Variants in HIC2 observed in about 807,000 individuals in gnomAD.
HIC2 encodes hypermethylated in cancer 2 protein.
Under a neutral mutation model 39.5 loss-of-function variants are expected in HIC2, and 2 were observed. The ratio of observed to expected loss-of-function variants is 0.05; its 90% CI spans 0.02 to 0.16. HIC2 has a LOEUF of 0.16. Ranked by LOEUF, HIC2 falls within the 10% of genes least tolerant of loss-of-function variation. HIC2 has a pLI of 1.00. For synonymous variants in HIC2, 399 were observed against 368.8 expected (o/e 1.08, Z -0.94); for missense variants, 713 against 863.5 (o/e 0.83, Z 2.18).
chr22:21,425,656 C>G (rs1009312982), intron 1 of HIC2, among the ~76,000 whole-genome samples: 2 of 136,356 alleles, frequency 1.5e-5, no homozygotes, highest in Non-Finnish European at 3.2e-5. Flanking sequence ...TTCTCCTACC[C>G]CAGCCTCCCG....
At chr22:21,432,440 G>A in intron 1 of HIC2, among the ~76,000 whole-genome samples, 1 of 90,758 alleles carries the variant, frequency 1.1e-5, no homozygotes, top group Non-Finnish European at 2.1e-5. Flanking sequence ...CTTTTGGGAG[G>A]CCGAGGCGGG....
rs906642699 is a variant in HIC2 at position 21,447,040 on chromosome 22, C to T, written c.*297C>T. The T allele has an allele frequency of 7.2e-6, 3 of 414,306 alleles. No homozygotes were observed. The highest frequency in any genetic ancestry group is 8.2e-5 in the East Asian group (2 of 24,450). The allele number at this position is 414,306 out of a possible 1,614,324, so 25.7% of individuals were successfully genotyped here. On this transcript the variant is annotated 3_prime_UTR_variant, in exon 3 of 3. Coordinates refer to ENST00000407464, the MANE Select transcript of HIC2 (RefSeq NM_015094.3). ...CTGGGTCACGTGGGTCTCGCTGGGA[C>T]CTGGTCCCTTTGTTGCAGGCGGCTT...
In HIC2 at chr22:21,450,004, C is replaced by T. The variant is rs541293056; in HGVS notation, c.*3261C>T. On this transcript the variant is annotated 3_prime_UTR_variant, in exon 3 of 3. Transcript: ENST00000407464. ...TCTGGTGGGTCCCCACTCCTGGGGC[C>T]CCCTAACCCCACCCCAGGCAGCGGA... 1.6e-3 allele frequency: 242 copies of T among 152,828 alleles called. 2 individuals are homozygous for T. The highest frequency in any genetic ancestry group is 0.014 in the Middle Eastern group (4 of 294). 9.5% of individuals were successfully genotyped at this position (152,828 alleles called of 1,614,324 possible). A position where few individuals can be genotyped will look rare whatever the true frequency, so the allele number is the denominator to read the frequency against.
intron 2 of HIC2, among the ~76,000 whole-genome samples, chr22:21,444,031 C>T (rs900429126): frequency 6.6e-5 from 10 of 152,060 alleles, no homozygotes; most frequent in Non-Finnish European, 1.2e-4. Context: ...GGAAGCGTGG[C>T]GAGGAGCACC....
chr22:21,445,603 G>T lies in HIC2; in HGVS notation c.708G>T (p.Gly236=). The change falls in exon 3 of 3, where the codon GGG becomes GGT. Residue 236 remains glycine (G), a synonymous_variant. Transcript: ENST00000407464. ...GLGGCSSSTN[G]SSGGCEQELG... ...GGGGCTGCAGCAGCAGCACCAACGG[G>T]AGCAGCGGGGGCTGCGAGCAGGAGC... 1 of 1,580,522 alleles carries T rather than the reference G, an allele frequency of 6.3e-7. No individual in the cohort carries two copies. The highest frequency in any genetic ancestry group is 8.6e-7 in the Non-Finnish European group (1 of 1,165,428).
In HIC2 at chr22:21,444,052, C is replaced by A. The variant is rs532972423; in HGVS notation, c.27-870C>A. On this transcript the variant is annotated intron_variant, in intron 2 of 2. Transcript: ENST00000407464. The stretch of plus-strand genomic sequence containing the variant: ...GTGGCGAGGAGCACCCGCTCAGAAC[C>A]CCATGTCTTGCTGCTGCATAAGCAG... Among the ~76,000 whole-genome samples the A allele has an allele frequency of 9.8e-5, 15 of 152,362 alleles. No individual in the cohort carries two copies. In the East Asian group the frequency reaches 2.3e-3, roughly 23 times the overall value.
At position 21,446,473 on chromosome 22, in the gene HIC2, G is replaced by A. The variant is rs149833696; in HGVS notation, c.1578G>A (p.Thr526=). The change falls in exon 3 of 3, where the codon ACG becomes ACA. Residue 526 remains threonine, a synonymous_variant. Transcript: ENST00000407464. ...CCACGCTGCGGCAGCACGAGAAGAC[G>A]CACTGGCTGACACGGCCCTTCCCCT... The part of the protein sequence containing the change: ...DPATLRQHEK[T]HWLTRPFPCN... 6.8e-6 allele frequency: 11 copies of A among 1,612,256 alleles called. No individual in the cohort carries two copies. The highest frequency in any genetic ancestry group is 3.3e-4 in the Middle Eastern group (2 of 6,084).
At position 21,448,708 on chromosome 22, in the gene HIC2, C is replaced by G. The variant is rs1393108238; in HGVS notation, c.*1965C>G. ...TGAGGGAGCTTGGGTAGATGAGGCT[C>G]CTGGCTGAGCCCTCCCTGTGGTGAT... On this transcript the variant is annotated 3_prime_UTR_variant, in exon 3 of 3. Coordinates refer to ENST00000407464, the MANE Select transcript of HIC2 (RefSeq NM_015094.3). 1 of 152,708 alleles carries G rather than the reference C, an allele frequency of 6.5e-6. No homozygotes were observed. The highest frequency in any genetic ancestry group is 1.5e-5 in the Non-Finnish European group (1 of 68,064). The allele number at this position is 152,708 out of a possible 1,614,324, so 9.5% of individuals were successfully genotyped here.
intron 1 of HIC2, among the ~76,000 whole-genome samples, chr22:21,417,921 C>T (rs1481743461): frequency 8.8e-5 from 13 of 148,386 alleles, no homozygotes; most frequent in Non-Finnish European, 1.8e-4. Context: ...CGAACAGCGT[C>T]GGGCGAGCTG....
rs1923749104 is a variant in HIC2, at chr22:21,445,459, C to G, written c.564C>G (p.Pro188=). 6.5e-7 allele frequency: 1 copy of G among 1,541,614 alleles called. No homozygotes were observed. Among genetic ancestry groups the G allele is most frequent in the Non-Finnish European group, 8.7e-7 (1 of 1,150,590 alleles). ...LVDGRKGAHA[P]QELPQAKGSD... is the part of the protein sequence containing the mutation. ...ATGGGCGCAAGGGGGCCCACGCCCC[C>G]CAGGAGCTCCCCCAAGCCAAAGGCT... Residue 188 remains proline, a synonymous_variant, in exon 3 of 3, where the codon CCC becomes CCG. Transcript: ENST00000407464.
rs1924030680 is a variant in HIC2, at chr22:21,449,212, CTTTGT to C, written c.*2473_*2477del. 1 of 152,708 alleles carries C rather than the reference CTTTGT, an allele frequency of 6.5e-6. No individual in the cohort carries two copies. The highest frequency in any genetic ancestry group is 2.1e-4 in the South Asian group (1 of 4,830). The allele number at this position is 152,708 out of a possible 1,614,324, so 9.5% of individuals were successfully genotyped here. A position where few individuals can be genotyped will look rare whatever the true frequency, so the allele number is the denominator to read the frequency against. ...GGGGCGGGATTAACACAACATTTGG[CTTTGT>C]TTTCTTTTTCCTTTGATTTCCACAT... On this transcript the variant is annotated 3_prime_UTR_variant, in exon 3 of 3. Transcript: ENST00000407464.
chr22:21,447,709 T>A lies in HIC2; in HGVS notation c.*966T>A. ...CTGTTTGAACTGGAAGGTCTGGGGT[T>A]CCGGGGGGTGGGGGGAGGCTAGACT... is the stretch of plus-strand genomic sequence containing the variant. On this transcript the variant is annotated 3_prime_UTR_variant, in exon 3 of 3. Coordinates refer to ENST00000407464, the MANE Select transcript of HIC2 (RefSeq NM_015094.3). The A allele has an allele frequency of 1.8e-5, 2 of 111,798 alleles. No homozygotes were observed. The highest frequency in any genetic ancestry group is 2.8e-4 in the East Asian group (1 of 3,622). The allele number at this position is 111,798 out of a possible 1,614,324, so 6.9% of individuals were successfully genotyped here. A position where few individuals can be genotyped will look rare whatever the true frequency, so the allele number is the denominator to read the frequency against.
rs191713285 is a variant in HIC2 at position 21,446,125 on chromosome 22, G to A, written c.1230G>A (p.Ala410=). ...GCAAGGATGCAAGTGAAGACAGTGCGCAGAGCGGGAGCGAGGGGGGCAGCG... is the reference window on the plus strand; with the variant it reads ...GCAAGGATGCAAGTGAAGACAGTGCACAGAGCGGGAGCGAGGGGGGCAGCG... The part of the protein sequence containing the change: ...ENGKDASEDS[A]QSGSEGGSGH... Residue 410 remains alanine, a synonymous_variant, in exon 3 of 3, where the codon GCG becomes GCA. Coordinates refer to ENST00000407464, the MANE Select transcript of HIC2 (RefSeq NM_015094.3). 3.8e-5 allele frequency: 61 copies of A among 1,608,164 alleles called. No homozygotes were observed. The highest frequency in any genetic ancestry group is 1.1e-4 in the South Asian group (10 of 91,076).
At chr22:21,443,547 G>C (rs529233140) in intron 2 of HIC2, among the ~76,000 whole-genome samples, 1 of 152,124 alleles carries the variant, frequency 6.6e-6, no homozygotes, top group African/African-American at 2.4e-5. Flanking sequence ...TAGTTCAGCT[G>C]CTGAGAGACT....
chr22:21,444,536 A>G (rs1923695380), intron 2 of HIC2, among the ~76,000 whole-genome samples: 1 of 152,192 alleles, frequency 6.6e-6, no homozygotes, highest in Admixed American at 6.5e-5. Context: ...GTTTAAAGCC[A>G]TCTGGTCATT....
Position 21,445,950 on chromosome 22 carries a change from G to T in HIC2, c.1055G>T (p.Arg352Leu), listed in dbSNP as rs367721972. ...KEPVAGSPFE[R>L]REAGPKGPCP... is the part of the protein sequence containing the mutation. ...CCTGTGGCTGGCTCCCCCTTTGAGCGGAGAGAAGCAGGGCCCAAGGGTCCC... is the reference window on the plus strand; with the variant it reads ...CCTGTGGCTGGCTCCCCCTTTGAGCTGAGAGAAGCAGGGCCCAAGGGTCCC... The change falls in exon 3 of 3, where the codon CGG becomes CTG. Residue 352 changes from arginine to leucine, a missense_variant. Arg to Leu is a moderately radical substitution (Grantham distance 102). Around this residue, in one of 5 missense-constraint regions of HIC2, gnomAD observed 457 missense variants for 420.2 expected, o/e 1.09. Coordinates refer to ENST00000407464, the MANE Select transcript of HIC2 (RefSeq NM_015094.3). 2.6e-5 allele frequency: 41 copies of T among 1,570,236 alleles called. No homozygotes were observed. In the African/African-American group the frequency reaches 4.6e-4, roughly 18 times the overall value.
At chr22:21,444,709 T>C (rs1923703197) in intron 2 of HIC2, among the ~76,000 whole-genome samples, 1 of 152,200 alleles carries the variant, frequency 6.6e-6, no homozygotes, top group Admixed American at 6.5e-5. Context: ...CTCTGTCCCT[T>C]CTCAGTTTGA....
rs1284473297 is a variant in HIC2, at chr22:21,448,011, G to C, written c.*1268G>C. The C allele has an allele frequency of 6.5e-6, 1 of 152,740 alleles. No homozygotes were observed. Among genetic ancestry groups the C allele is most frequent in the African/African-American group, 2.4e-5 (1 of 41,448 alleles). The allele number at this position is 152,740 out of a possible 1,614,324, so 9.5% of individuals were successfully genotyped here. ...GGAAGTCGTGTGCAGGAGCCAGCAG[G>C]GCGCCAAGTGGCCCAGTGCCTGCAG... On this transcript the variant is annotated 3_prime_UTR_variant, in exon 3 of 3. Coordinates refer to ENST00000407464, the MANE Select transcript of HIC2 (RefSeq NM_015094.3).
In HIC2 at chr22:21,448,852, A is replaced by G. The variant is rs1347819022; in HGVS notation, c.*2109A>G. The G allele has an allele frequency of 6.5e-6, 1 of 152,740 alleles. No individual in the cohort carries two copies. Among genetic ancestry groups the G allele is most frequent in the Admixed American group, 6.5e-5 (1 of 15,276 alleles). 9.5% of individuals were successfully genotyped at this position (152,740 alleles called of 1,614,324 possible). On this transcript the variant is annotated 3_prime_UTR_variant, in exon 3 of 3. Coordinates refer to ENST00000407464, the MANE Select transcript of HIC2 (RefSeq NM_015094.3). Reference sequence around the variant, plus strand: ...GGGAGGAGACCCATGGACTTCACCCATACTCAGTGAGGGGGCTCCTGCCGT... The same window carrying G: ...GGGAGGAGACCCATGGACTTCACCCGTACTCAGTGAGGGGGCTCCTGCCGT...
Sources: gnomAD v4.1 joint callset for allele counts (sites outside exome capture counted in the v4.1 genomes callset) on GRCh38, gnomAD v4.1.1 for gene constraint, gnomAD v4.1.1 regional missense constraint, MANE v1.5 for transcripts, NCBI Gene and HGNC (gene_info 2026-07-23, HGNC 2026-07-21) for gene names.